The following DOCK2 variants were observed in gnomAD, a reference collection of about 807,000 sequenced individuals.
DOCK2 encodes dedicator of cytokinesis 2.
In DOCK2, 87 loss-of-function variants were observed where a neutral mutation model predicts 248.9. That is an observed-to-expected ratio of 0.35 (90% CI 0.29 to 0.42). The LOEUF is 0.42. Among genes scored for constraint, DOCK2 ranks in the 10% least tolerant of loss-of-function variants. DOCK2 has a pLI of 1.00. For missense variants in DOCK2, 1,747 were observed against 2,300.2 expected (o/e 0.76, Z 4.92); for synonymous variants, 805 against 821.6 (o/e 0.98, Z 0.35).
intron 10 of DOCK2, among the ~76,000 whole-genome samples, chr5:169,697,514 C>A (rs1189141534): frequency 6.6e-6 from 1 of 152,152 alleles, no homozygotes; most frequent in East Asian, 1.9e-4. Context: ...TCTGATCTAC[C>A]AGGTCCTATG....
At chr5:169,903,070 C>G (rs1774030561) in intron 27 of DOCK2, among the ~76,000 whole-genome samples, 1 of 151,386 alleles carries the variant, frequency 6.6e-6, no homozygotes, top group Non-Finnish European at 1.5e-5. Context: ...TGTACTCCAG[C>G]CTGGCGACAG....
At position 170,083,254 on chromosome 5, in the gene DOCK2, T is replaced by G. The variant is rs1377032200; in HGVS notation, c.*396T>G. 1 of 163,080 alleles carries G rather than the reference T, an allele frequency of 6.1e-6. No individual in the cohort carries two copies. 10.1% of individuals were successfully genotyped at this position (163,080 alleles called of 1,614,324 possible). ...AGCCTTTTAAATATTCTTTTTAATT[T>G]TATTTTAGATTAACAGTTTTGTACT... is the stretch of plus-strand genomic sequence containing the variant. On this transcript the variant is annotated 3_prime_UTR_variant, in exon 52 of 52. Transcript: ENST00000520908.
intron 24 of DOCK2, 150 bp downstream of exon 24, chr5:169,759,925 G>A: frequency 1.2e-6 from 1 of 801,110 alleles, no homozygotes; most frequent in South Asian, 1.9e-5. Context: ...TTTCCGGTGT[G>A]GTATTTTTAC....
intron 27 of DOCK2, among the ~76,000 whole-genome samples, chr5:169,900,149 T>G (rs1168089378): frequency 2.6e-5 from 4 of 152,134 alleles, no homozygotes; most frequent in African/African-American, 9.7e-5. Context: ...AGCTCTCAGA[T>G]CTAAAGGAGG....
Position 170,036,496 on chromosome 5 carries a change from T to C in DOCK2, c.3625-19T>C. Reference sequence around the variant, plus strand: ...TTGCAGAGAACAACACTCATCATTGTTTTTCCTCCCCTACCTAGAATTTCT... The same window carrying C: ...TTGCAGAGAACAACACTCATCATTGCTTTTCCTCCCCTACCTAGAATTTCT... On this transcript the variant is annotated intron_variant, in intron 35 of 51. Transcript: ENST00000520908. 2 of 1,612,178 alleles carry C rather than the reference T, an allele frequency of 1.2e-6. No individual in the cohort carries two copies. Among genetic ancestry groups the C allele is most frequent in the Non-Finnish European group, 1.7e-6 (2 of 1,178,862 alleles).
At chr5:170,034,935 T>C (rs1026290812) in intron 35 of DOCK2, among the ~76,000 whole-genome samples, 1 of 152,176 alleles carries the variant, frequency 6.6e-6, no homozygotes, top group Non-Finnish European at 1.5e-5. Flanking sequence ...TCTGAAGTCT[T>C]AGTTTGCTTA....
At chr5:169,889,676 G>A (rs1773174072) in intron 27 of DOCK2, among the ~76,000 whole-genome samples, 2 of 152,178 alleles carry the variant, frequency 1.3e-5, no homozygotes, top group Non-Finnish European at 2.9e-5. Context: ...ATCTTTGCTG[G>A]CCACACAGTT....
intron 27 of DOCK2, among the ~76,000 whole-genome samples, chr5:169,977,418 A>G (rs1777754018): frequency 6.6e-6 from 1 of 152,242 alleles, no homozygotes; most frequent in Non-Finnish European, 1.5e-5. Flanking sequence ...CAACAAGACA[A>G]TACTAATAAT....
At chr5:170,045,738 G>T in intron 38 of DOCK2, 78 bp from the exon 39 acceptor site, 2 of 1,377,400 alleles carry the variant, frequency 1.5e-6, no homozygotes, top group Non-Finnish European at 1.0e-6. Flanking sequence ...GCACAGCTAC[G>T]CCTGAGTCCC....
chr5:169,826,690 G>A (rs1017542911), intron 26 of DOCK2, among the ~76,000 whole-genome samples: 5 of 152,134 alleles, frequency 3.3e-5, no homozygotes, highest in African/African-American at 9.7e-5. Flanking sequence ...ATAAGAGTTA[G>A]TTATGTATTA....
chr5:169,774,289 G>A (rs1316114310), intron 25 of DOCK2, among the ~76,000 whole-genome samples: 5 of 152,176 alleles, frequency 3.3e-5, no homozygotes, highest in Non-Finnish European at 5.9e-5. Flanking sequence ...AATAAGTAAT[G>A]TATGGCCACC....
At chr5:169,829,137 G>A (rs1424854734) in intron 26 of DOCK2, among the ~76,000 whole-genome samples, 1 of 152,024 alleles carries the variant, frequency 6.6e-6, no homozygotes, top group Non-Finnish European at 1.5e-5. Context: ...GAGGAGGGAG[G>A]GAGCTTGTTG....
chr5:169,773,311 A>G lies in DOCK2; in HGVS notation c.2554+11686A>G, dbSNP rs193067894. 3.8e-4 allele frequency: 58 copies of G among 152,328 alleles called. 1 individual carries two copies. Among genetic ancestry groups the G allele is most frequent in the Admixed American group, 2.2e-3 (34 of 15,308 alleles). 9.4% of individuals were successfully genotyped at this position (152,328 alleles called of 1,614,324 possible). On this transcript the variant is annotated intron_variant, in intron 25 of 51. Transcript: ENST00000520908. ...AAAAAAAATTGGCATACAATCAAGG[A>G]AAAAAATCTGTCTTAAACTTCCAAA...
intron 25 of DOCK2, among the ~76,000 whole-genome samples, chr5:169,788,229 G>A (rs1185602335): frequency 1.3e-5 from 2 of 152,054 alleles, no homozygotes; most frequent in Non-Finnish European, 2.9e-5. Context: ...CTGTACACCC[G>A]TGTGTCATAT....
chr5:169,884,921 T>G (rs1387016200), intron 27 of DOCK2: 1 of 152,224 alleles, frequency 6.6e-6, no homozygotes, highest in East Asian at 1.9e-4. Context: ...GTGGAGGGTC[T>G]AGGAATAAGT....
At chr5:169,943,013 CT>C (rs1776301429) in intron 27 of DOCK2, among the ~76,000 whole-genome samples, 1 of 152,094 alleles carries the variant, frequency 6.6e-6, no homozygotes, top group Non-Finnish European at 1.5e-5. Flanking sequence ...ATATCAATAG[CT>C]AAAAAAGAGG....
chr5:170,044,826 C>T (rs1756643573), intron 38 of DOCK2, among the ~76,000 whole-genome samples: 1 of 152,190 alleles, frequency 6.6e-6, no homozygotes, highest in East Asian at 1.9e-4. Context: ...CTCCTCCTAC[C>T]TCCCCCAGCT....
intron 26 of DOCK2, among the ~76,000 whole-genome samples, chr5:169,809,952 G>A (rs1221492518): frequency 6.6e-6 from 1 of 152,156 alleles, no homozygotes; most frequent in East Asian, 1.9e-4. Flanking sequence ...GGTCCAAGGA[G>A]CAGCTTGTGC....
intron 27 of DOCK2, chr5:169,882,722 T>C: frequency 6.4e-7 from 1 of 1,552,014 alleles, no homozygotes; most frequent in Non-Finnish European, 8.7e-7. Context: ...ATCTCCCTGT[T>C]GCTCTGAAGT....
Sources: gnomAD v4.1 joint callset for allele counts (sites outside exome capture counted in the v4.1 genomes callset) on GRCh38, gnomAD v4.1.1 for gene constraint, MANE v1.5 for transcripts, NCBI Gene and HGNC (gene_info 2026-07-23, HGNC 2026-07-21) for gene names.